TAOK3: variants seen among roughly 807,000 people sequenced by gnomAD.
TAOK3 encodes serine/threonine-protein kinase TAO3.
A neutral mutation model predicts 120.4 loss-of-function variants in TAOK3; 40 were observed. The ratio of observed to expected loss-of-function variants is 0.33; its 90% CI spans 0.26 to 0.43. The LOEUF (loss-of-function observed/expected upper bound fraction) is 0.43, where lower values mean the gene tolerates loss of function less well. TAOK3 is among the 20% of genes least tolerant of loss of function. The pLI, the probability that TAOK3 is intolerant of heterozygous loss-of-function variation, is 1.00. For missense variants in TAOK3, 821 were observed against 1,112.1 expected, an observed-to-expected ratio of 0.74 and a Z score of 3.72; for synonymous variants, 355 against 387.5, an observed-to-expected ratio of 0.92 and a Z score of 0.99.
intron 2 of TAOK3, among the ~76,000 whole-genome samples, chr12:118,260,844 C>T (rs540382127): frequency 6.6e-6 from 1 of 152,242 alleles, no homozygotes; most frequent in East Asian, 1.9e-4. Context: ...CCACATCCAG[C>T]TAATTTTTGT....
intron 1 of TAOK3, among the ~76,000 whole-genome samples, chr12:118,268,876 C>T (rs1427708411): frequency 2.6e-5 from 4 of 151,926 alleles, no homozygotes; most frequent in Admixed American, 2.0e-4. Flanking sequence ...GGTGTGGTGG[C>T]GCATTCCTGT....
At chr12:118,285,025 A>C (rs1028779122) in intron 1 of TAOK3, among the ~76,000 whole-genome samples, 6 of 151,374 alleles carry the variant, frequency 4.0e-5, no homozygotes, top group Admixed American at 2.0e-4. Context: ...AAAAAAAATC[A>C]AGCCCCTTGT....
chr12:118,154,450 T>C (rs1318524175), intron 19 of TAOK3, among the ~76,000 whole-genome samples: 1 of 152,158 alleles, frequency 6.6e-6, no homozygotes, highest in Non-Finnish European at 1.5e-5. Context: ...AGTTGTTTTT[T>C]CGTGGTTTTT....
chr12:118,292,831 G>A (rs1486528033), intron 1 of TAOK3, among the ~76,000 whole-genome samples: 1 of 152,188 alleles, frequency 6.6e-6, no homozygotes, highest in East Asian at 1.9e-4. Context: ...TCAATGAAGA[G>A]GAGTGTACCA....
chr12:118,159,424 C>A (rs1174824643), intron 19 of TAOK3, among the ~76,000 whole-genome samples: 1 of 151,946 alleles, frequency 6.6e-6, no homozygotes, highest in East Asian at 1.9e-4. Context: ...GATTCTCCTG[C>A]CTCAGCCTCC....
At chr12:118,240,866 T>C (rs1351974688) in intron 5 of TAOK3, among the ~76,000 whole-genome samples, 1 of 151,948 alleles carries the variant, frequency 6.6e-6, no homozygotes, top group Admixed American at 6.6e-5. Flanking sequence ...ATTAAAAAAA[T>C]TAATGTGAAA....
chr12:118,267,799 C>T (rs1164631137), intron 1 of TAOK3, among the ~76,000 whole-genome samples: 1 of 149,020 alleles, frequency 6.7e-6, no homozygotes, highest in Non-Finnish European at 1.5e-5. Flanking sequence ...GCAGGAGAAT[C>T]GCTTGAACCC....
chr12:118,364,488 C>T (rs1331694329), intron 1 of TAOK3, among the ~76,000 whole-genome samples: 1 of 152,102 alleles, frequency 6.6e-6, no homozygotes, highest in Non-Finnish European at 1.5e-5. Flanking sequence ...CTCTGAGTTT[C>T]AATTTCCCTA....
At chr12:118,282,960 C>A (rs546412279) in intron 1 of TAOK3, among the ~76,000 whole-genome samples, 1 of 152,326 alleles carries the variant, frequency 6.6e-6, no homozygotes, top group South Asian at 2.1e-4. Context: ...TAGGCAACCA[C>A]ACTATAAATA....
At chr12:118,159,573 T>C (rs1414907184) in intron 19 of TAOK3, among the ~76,000 whole-genome samples, 1 of 152,188 alleles carries the variant, frequency 6.6e-6, no homozygotes, top group African/African-American at 2.4e-5. Flanking sequence ...AATGCTGGGA[T>C]TACAGGCGTG....
chr12:118,221,823 A>C (rs1443699750), intron 9 of TAOK3, among the ~76,000 whole-genome samples: 1 of 151,014 alleles, frequency 6.6e-6, no homozygotes, highest in Non-Finnish European at 1.5e-5. Context: ...TTTAGTAGAG[A>C]TGGGGTTTCA....
chr12:118,155,629 T>C (rs1186974641), intron 19 of TAOK3, among the ~76,000 whole-genome samples: 1 of 152,222 alleles, frequency 6.6e-6, no homozygotes, highest in Non-Finnish European at 1.5e-5. Context: ...TAAAGGATGC[T>C]GTAATGATCA....
intron 1 of TAOK3, among the ~76,000 whole-genome samples, chr12:118,321,787 G>GACCT (rs2043716613): frequency 1.3e-5 from 2 of 151,920 alleles, no homozygotes; most frequent in African/African-American, 4.8e-5. Context: ...GCTACAAAAG[G>GACCT]ACCTAATGTC....
chr12:118,198,333 C>T (rs1162390649), intron 13 of TAOK3: 1 of 151,806 alleles, frequency 6.6e-6, no homozygotes, highest in African/African-American at 2.4e-5. Flanking sequence ...TTTCTTACTC[C>T]CTGCTAGAGT....
intron 1 of TAOK3, among the ~76,000 whole-genome samples, chr12:118,281,186 T>C (rs2042087402): frequency 6.6e-6 from 1 of 152,226 alleles, no homozygotes; most frequent in Non-Finnish European, 1.5e-5. Flanking sequence ...ATACCTTTTA[T>C]TTCTTTCTTT....
intron 7 of TAOK3, among the ~76,000 whole-genome samples, chr12:118,237,603 C>A (rs972262768): frequency 6.6e-6 from 1 of 151,938 alleles, no homozygotes; most frequent in Non-Finnish European, 1.5e-5. Flanking sequence ...TGCCAAAATA[C>A]AGTAAAGATA....
At chr12:118,181,679 G>T in intron 14 of TAOK3, 72 bp from the exon 15 acceptor site, 2 of 1,291,828 alleles carry the variant, frequency 1.5e-6, no homozygotes. Context: ...AAAGTAGAAC[G>T]GCCCTGTGGC....
chr12:118,366,536 G>C (rs1382877057), intron 1 of TAOK3, among the ~76,000 whole-genome samples: 1 of 152,126 alleles, frequency 6.6e-6, no homozygotes, highest in Admixed American at 6.5e-5. Flanking sequence ...GGAAATAAAA[G>C]GTTCTCTTAT....
In TAOK3 at chr12:118,172,534, A is replaced by G. The variant is rs759257360; in HGVS notation, c.1822T>C (p.Tyr608His). ...AHLLTQQRLY[Y>H]DKNCRFFKRK... ...TTGAAGAAACGACAATTTTTGTCGTAGTACAGTCTCTGTTGAGTGAGAAGG... is the reference window on the plus strand; with the variant it reads ...TTGAAGAAACGACAATTTTTGTCGTGGTACAGTCTCTGTTGAGTGAGAAGG... Residue 608 changes from tyrosine (Y) to histidine (H), a missense_variant, in exon 17 of 21, where the codon TAC (tyrosine) becomes CAC (histidine). Physicochemically the swap from Tyr to His is moderately conservative, Grantham distance 83. Transcript: ENST00000392533. The G allele has an allele frequency of 1.2e-6, 2 of 1,614,216 alleles. No homozygotes were observed. The highest frequency in any genetic ancestry group is 1.1e-5 in the South Asian group (1 of 91,090).
Sources: gnomAD v4.1 joint callset for allele counts (sites outside exome capture counted in the v4.1 genomes callset) on GRCh38, gnomAD v4.1.1 for gene constraint, MANE v1.5 for transcripts, NCBI Gene and HGNC (gene_info 2026-07-23, HGNC 2026-07-21) for gene names.